Variants in UBE2N observed in about 807,000 individuals in gnomAD.
UBE2N encodes the protein ubiquitin-conjugating enzyme E2 N.
For synonymous variants in UBE2N, 70 were observed against 69.2 expected (o/e 1.01, Z -0.06); for missense variants, 60 against 192.1 (o/e 0.31, Z 4.07).
At chr12:93,435,349 T>C (rs1878904082) in intron 1 of UBE2N, among the ~76,000 whole-genome samples, 1 of 152,222 alleles carries the variant, frequency 6.6e-6, no homozygotes, top group East Asian at 1.9e-4. Context: ...GGCATACACC[T>C]GTAATCCCAG....
At chr12:93,428,675 T>A (rs1878663059) in intron 1 of UBE2N, among the ~76,000 whole-genome samples, 1 of 152,224 alleles carries the variant, frequency 6.6e-6, no homozygotes, top group South Asian at 2.1e-4. Context: ...CAAAAATATG[T>A]TGGGCTGGCA....
At chr12:93,410,971 T>G in intron 2 of UBE2N, 82 bp downstream of exon 2, 2 of 1,613,828 alleles carry the variant, frequency 1.2e-6, no homozygotes, top group Non-Finnish European at 1.7e-6. Context: ...CTTTGTATAA[T>G]GTTTACATTC....
chr12:93,433,985 A>G (rs898363505), intron 1 of UBE2N, among the ~76,000 whole-genome samples: 3 of 152,228 alleles, frequency 2.0e-5, no homozygotes, highest in African/African-American at 7.2e-5. Flanking sequence ...GAGAAAGAAA[A>G]GGATAGAACA....
At chr12:93,413,372 T>C (rs1878089817) in intron 1 of UBE2N, among the ~76,000 whole-genome samples, 1 of 152,172 alleles carries the variant, frequency 6.6e-6, no homozygotes, top group African/African-American at 2.4e-5. Context: ...CCTCTCTGTT[T>C]ATACATTTCC....
At position 93,410,087 on chromosome 12, in the gene UBE2N, C is replaced by G. The variant is rs1259453835; in HGVS notation, c.419-8G>C. The G allele has an allele frequency of 6.2e-7, 1 of 1,612,146 alleles. No homozygotes were observed. Among genetic ancestry groups the G allele is most frequent in the Non-Finnish European group, 8.5e-7 (1 of 1,179,100 alleles). On this transcript the variant is annotated splice_polypyrimidine_tract_variant and splice_region_variant and intron_variant, in intron 3 of 3. Coordinates refer to ENST00000318066, the MANE Select transcript of UBE2N (RefSeq NM_003348.4). The stretch of plus-strand genomic sequence containing the variant: ...GCCTAGTCCATGCTCTAGCTGTAGA[C>G]AGAAACAAACATACGATTATTATTT...
At chr12:93,411,000 G>C in intron 2 of UBE2N, 53 bp downstream of exon 2, 4 of 1,613,862 alleles carry the variant, frequency 2.5e-6, no homozygotes, top group Non-Finnish European at 3.4e-6. Flanking sequence ...GAATGCTTAA[G>C]AGAAAAAGGA....
chr12:93,440,969 T>G (rs1350204699), intron 1 of UBE2N, among the ~76,000 whole-genome samples: 1 of 152,060 alleles, frequency 6.6e-6, no homozygotes, highest in African/African-American at 2.4e-5. Flanking sequence ...TAGGAAGATC[T>G]CTGAAGCCAG....
chr12:93,413,028 C>T (rs1164819832), intron 1 of UBE2N, among the ~76,000 whole-genome samples: 1 of 152,232 alleles, frequency 6.6e-6, no homozygotes, highest in Non-Finnish European at 1.5e-5. Context: ...AGAGGAACCT[C>T]TACTTTGCTT....
At chr12:93,415,859 G>A (rs370230106) in intron 1 of UBE2N, among the ~76,000 whole-genome samples, 5 of 152,106 alleles carry the variant, frequency 3.3e-5, no homozygotes, top group East Asian at 1.9e-4. Flanking sequence ...CTCCAAAAGC[G>A]TATCCCAAAA....
intron 1 of UBE2N, among the ~76,000 whole-genome samples, chr12:93,420,634 C>A (rs979904774): frequency 5.3e-5 from 8 of 152,130 alleles, no homozygotes; most frequent in African/African-American, 1.9e-4. Flanking sequence ...CGAACATCTG[C>A]AATGCTTAGG....
intron 1 of UBE2N, among the ~76,000 whole-genome samples, chr12:93,419,685 A>T (rs975267162): frequency 6.6e-6 from 1 of 152,208 alleles, no homozygotes; most frequent in Non-Finnish European, 1.5e-5. Flanking sequence ...TGATGCTCTT[A>T]AAAGTTACTG....
chr12:93,409,334 A>G lies in UBE2N; in HGVS notation c.*705T>C, dbSNP rs1333879695. The stretch of plus-strand genomic sequence containing the variant: ...TTGGGAAAATGAAATAAACACAGTA[A>G]AATAAACTGTACAAAGGCAAAGTAG... On this transcript the variant is annotated 3_prime_UTR_variant, in exon 4 of 4. Transcript: ENST00000318066. 6.2e-6 allele frequency: 1 copy of G among 160,424 alleles called. No individual in the cohort carries two copies. The highest frequency in any genetic ancestry group is 2.4e-5 in the African/African-American group (1 of 41,464). The allele number at this position is 160,424 out of a possible 1,614,324, so 9.9% of individuals were successfully genotyped here.
rs184302616 is a variant in UBE2N, at chr12:93,418,408, A to T, written c.31-7109T>A. On this transcript the variant is annotated intron_variant, in intron 1 of 3. Coordinates refer to ENST00000318066, the MANE Select transcript of UBE2N (RefSeq NM_003348.4). ...ACAAAAAGTTAATTATCATCAATGG[A>T]CATTTTCAAGTGCATACCCCTTGCT... Among the ~76,000 whole-genome samples, 623 of 152,162 alleles carry T rather than the reference A, an allele frequency of 4.1e-3. 1 individual carries two copies. Among genetic ancestry groups the T allele is most frequent in the Middle Eastern group, 0.01 (3 of 294 alleles).
chr12:93,432,523 G>A (rs909690975), intron 1 of UBE2N, among the ~76,000 whole-genome samples: 5 of 150,004 alleles, frequency 3.3e-5, no homozygotes, highest in African/African-American at 9.8e-5. Flanking sequence ...ACATTTTCCC[G>A]AGTATAAGCT....
intron 1 of UBE2N, among the ~76,000 whole-genome samples, chr12:93,415,100 A>G (rs1414406532): frequency 6.6e-6 from 1 of 152,228 alleles, no homozygotes; most frequent in Non-Finnish European, 1.5e-5. Flanking sequence ...TATGGGGAAA[A>G]ATAGTCTAAC....
At chr12:93,419,591 A>T (rs1241933132) in intron 1 of UBE2N, among the ~76,000 whole-genome samples, 1 of 152,222 alleles carries the variant, frequency 6.6e-6, no homozygotes, top group Non-Finnish European at 1.5e-5. Context: ...GAACTATTTT[A>T]ATTTTTACAG....
At chr12:93,415,066 G>A (rs905658138) in intron 1 of UBE2N, among the ~76,000 whole-genome samples, 3 of 152,032 alleles carry the variant, frequency 2.0e-5, no homozygotes, top group African/African-American at 7.2e-5. Context: ...CATTATGGAA[G>A]GAAAACAAAA....
At chr12:93,440,496 T>C (rs1879066601) in intron 1 of UBE2N, among the ~76,000 whole-genome samples, 1 of 152,218 alleles carries the variant, frequency 6.6e-6, no homozygotes, top group African/African-American at 2.4e-5. Context: ...CTTAGGTCAG[T>C]GACATCTCCC....
chr12:93,437,921 A>C (rs1325193663), intron 1 of UBE2N, among the ~76,000 whole-genome samples: 1 of 152,242 alleles, frequency 6.6e-6, no homozygotes, highest in African/African-American at 2.4e-5. Context: ...TTCCTAGTTA[A>C]TAAAAAAAGA....
Sources: allele counts gnomAD v4.1 joint callset (sites outside exome capture counted in the v4.1 genomes callset), GRCh38; gene constraint gnomAD v4.1.1; transcripts MANE v1.5; gene names NCBI Gene and HGNC (gene_info 2026-07-23, HGNC 2026-07-21).